The following RASSF3 variants were observed in gnomAD, a reference collection of about 807,000 sequenced individuals.
The protein encoded by RASSF3 is ras association domain-containing protein 3.
Under a neutral mutation model 19.9 loss-of-function variants are expected in RASSF3, and 19 were observed. The observed-to-expected ratio is 0.96, with a 90% CI of 0.67 to 1.40. The LOEUF is 1.40. RASSF3 is among the 40% of genes most tolerant of loss of function. RASSF3 has a pLI of 0.00. For missense variants in RASSF3, 306 were observed against 289.8 expected (o/e 1.06, Z -0.41); for synonymous variants, 110 against 104.2 (o/e 1.06, Z -0.34).
chr12:64,621,761 C>T (rs749156138), intron 1 of RASSF3, among the ~76,000 whole-genome samples: 4 of 152,214 alleles, frequency 2.6e-5, no homozygotes, highest in South Asian at 4.1e-4. Context: ...CGTGAGCCAC[C>T]GTGCCCGGCC....
chr12:64,637,685 C>T (rs1188002475), intron 1 of RASSF3, among the ~76,000 whole-genome samples: 2 of 151,852 alleles, frequency 1.3e-5, no homozygotes, highest in East Asian at 1.9e-4. Flanking sequence ...CCACCTCAGC[C>T]TCCCAAAGTG....
upstream of RASSF3, among the ~76,000 whole-genome samples, chr12:64,529,480 C>T (rs1266397901): frequency 6.6e-6 from 1 of 152,186 alleles, no homozygotes; most frequent in Admixed American, 6.5e-5. Context: ...ATCCTGGACT[C>T]TTAGGAAAGT....
chr12:64,691,021 C>T (rs548017811), intron 3 of RASSF3, among the ~76,000 whole-genome samples: 17 of 151,894 alleles, frequency 1.1e-4, no homozygotes, highest in East Asian at 3.9e-4. Context: ...CCACCACGCC[C>T]GGCTGATTTT....
intron 2 of RASSF3, among the ~76,000 whole-genome samples, chr12:64,558,648 T>G (rs140267533): frequency 2.0e-5 from 3 of 152,308 alleles, no homozygotes; most frequent in African/African-American, 7.2e-5. Flanking sequence ...GACTGAGGAT[T>G]CCCCTTTCTC....
At chr12:64,634,967 CTTTTTTTTTT>C (rs139897110) in intron 1 of RASSF3, among the ~76,000 whole-genome samples, 22 of 128,114 alleles carry the variant, frequency 1.7e-4, no homozygotes, top group African/African-American at 6.1e-4. Context: ...CTTTTCTTTT[CTTTTTTTTTT>C]TTTTTTGAGA....
At chr12:64,572,910 T>A (rs1167259251) in intron 2 of RASSF3, among the ~76,000 whole-genome samples, 2 of 152,142 alleles carry the variant, frequency 1.3e-5, no homozygotes, top group East Asian at 1.9e-4. Context: ...CTTTTTAAAA[T>A]TTTTTCAAGG....
intron 1 of RASSF3, among the ~76,000 whole-genome samples, chr12:64,661,187 A>G (rs1592452631): frequency 6.6e-6 from 1 of 152,208 alleles, no homozygotes; most frequent in South Asian, 2.1e-4. Flanking sequence ...ATGCTTAGAT[A>G]CAATGATCTG....
chr12:64,583,888 T>G (rs1470785955), intron 2 of RASSF3, among the ~76,000 whole-genome samples: 2 of 152,220 alleles, frequency 1.3e-5, no homozygotes, highest in South Asian at 2.1e-4. Context: ...GGTTTATCTG[T>G]GCTATCAATT....
At chr12:64,660,599 A>G (rs1413010001) in intron 1 of RASSF3, among the ~76,000 whole-genome samples, 1 of 152,226 alleles carries the variant, frequency 6.6e-6, no homozygotes. Context: ...CTTTCTTTAA[A>G]AAAAGGTAGT....
chr12:64,653,567 A>T (rs1377602202), intron 1 of RASSF3, among the ~76,000 whole-genome samples: 2 of 151,494 alleles, frequency 1.3e-5, no homozygotes, highest in South Asian at 2.1e-4. Context: ...ATTCAGCAGT[A>T]TCTTTTTTTT....
intron 1 of RASSF3, among the ~76,000 whole-genome samples, chr12:64,627,579 T>C (rs1021564258): frequency 3.9e-5 from 6 of 152,240 alleles, no homozygotes; most frequent in Admixed American, 6.5e-5. Context: ...GTCCCAATTA[T>C]ATTTGTTAAT....
intron 2 of RASSF3, among the ~76,000 whole-genome samples, chr12:64,565,347 C>T (rs894535236): frequency 5.3e-5 from 8 of 149,684 alleles, no homozygotes; most frequent in African/African-American, 9.8e-5. Context: ...GAGGCTGAGG[C>T]GGGTGTATCA....
At chr12:64,649,873 A>G (rs1228701799) in intron 1 of RASSF3, among the ~76,000 whole-genome samples, 3 of 152,150 alleles carry the variant, frequency 2.0e-5, no homozygotes, top group East Asian at 1.9e-4. Context: ...CACCCTATAC[A>G]TGATATTCTT....
At chr12:64,580,946 G>C (rs1002232349) in intron 2 of RASSF3, among the ~76,000 whole-genome samples, 2 of 147,218 alleles carry the variant, frequency 1.4e-5, no homozygotes, top group Non-Finnish European at 2.9e-5. Flanking sequence ...CAGGGGTTAA[G>C]ACTTCATATC....
intron 2 of RASSF3, among the ~76,000 whole-genome samples, chr12:64,593,652 G>C (rs1869956958): frequency 6.6e-6 from 1 of 152,164 alleles, no homozygotes; most frequent in Admixed American, 6.6e-5. Context: ...CTGGGGATAT[G>C]AGGACACATT....
intron 1 of RASSF3, among the ~76,000 whole-genome samples, chr12:64,539,443 TCATAA>T (rs1284102688): frequency 1.3e-5 from 2 of 152,168 alleles, no homozygotes; most frequent in African/African-American, 4.8e-5. Context: ...CATAGCAGAA[TCATAA>T]CATATCTTCT....
At chr12:64,614,316 C>T (rs946214614) in intron 1 of RASSF3, among the ~76,000 whole-genome samples, 6 of 151,890 alleles carry the variant, frequency 4.0e-5, no homozygotes, top group East Asian at 1.9e-4. Flanking sequence ...GTAGTAGAGA[C>T]GGGGTCTCAC....
At chr12:64,542,172 T>C (rs1868944495), downstream of RASSF3, among the ~76,000 whole-genome samples, 1 of 152,060 alleles carries the variant, frequency 6.6e-6, no homozygotes. Context: ...ATAAATTAGC[T>C]GGGTGTGGTG....
chr12:64,610,713 G>T lies in RASSF3; in HGVS notation c.81G>T (p.Ala27=). Residue 27 remains alanine (A), a synonymous_variant, in exon 1 of 5, where the codon GCG becomes GCT. Transcript: ENST00000542104. Reference sequence around the variant, plus strand: ...CCAGGACCTCCTTCTTCAGGAGAGCGCCCCAGGGCAAGCCCCGCTCCGGCC... The same window carrying T: ...CCAGGACCTCCTTCTTCAGGAGAGCTCCCCAGGGCAAGCCCCGCTCCGGCC... The part of the protein sequence containing the change: ...FTARTSFFRR[A]PQGKPRSGQQ... The T allele has an allele frequency of 6.3e-7, 1 of 1,592,732 alleles. No individual in the cohort carries two copies. Among genetic ancestry groups the T allele is most frequent in the South Asian group, 1.1e-5 (1 of 89,070 alleles).
Sources: gnomAD v4.1 joint callset for allele counts (sites outside exome capture counted in the v4.1 genomes callset) on GRCh38, gnomAD v4.1.1 for gene constraint, MANE v1.5 for transcripts, NCBI Gene and HGNC (gene_info 2026-07-23, HGNC 2026-07-21) for gene names.